The following FTCD variants were observed in gnomAD, a reference collection of about 807,000 sequenced individuals.
The protein encoded by FTCD is formimidoyltransferase cyclodeaminase.
Under a neutral mutation model 62.9 loss-of-function variants are expected in FTCD, and 76 were observed. The observed-to-expected ratio is 1.21, with a 90% CI of 1.00 to 1.46. The LOEUF is 1.46. FTCD is among the 40% of genes most tolerant of loss of function. FTCD has a pLI of 0.00. For synonymous variants in FTCD, 397 were observed against 336.9 expected (o/e 1.18, Z -1.95); for missense variants, 845 against 751.3 (o/e 1.12, Z -1.46).
intron 10 of FTCD, among the ~76,000 whole-genome samples, chr21:46,140,651 C>A (rs61584630): frequency 0.51 from 35,305 of 69,432 alleles, 6,128 homozygotes; most frequent in South Asian, 0.57. Flanking sequence ...AGTGTAAACC[C>A]ACCCAGCACT....
intron 7 of FTCD, among the ~76,000 whole-genome samples, chr21:46,148,055 A>C (rs1261311944): frequency 6.6e-6 from 1 of 152,228 alleles, no homozygotes; most frequent in East Asian, 1.9e-4. Context: ...CTTAGACAGA[A>C]AGGATGACGT....
At chr21:46,155,045 G>A (rs952894066) in intron 1 of FTCD, among the ~76,000 whole-genome samples, 8 of 152,234 alleles carry the variant, frequency 5.3e-5, no homozygotes, top group African/African-American at 1.9e-4. Flanking sequence ...TGCAGGGTGG[G>A]GGCTCAGCAA....
rs141647957 is a variant in FTCD, at chr21:46,138,171, G to A, written c.1443+337C>T. 2.6e-3 allele frequency among the ~76,000 whole-genome samples: 397 copies of A among 152,276 alleles called. 3 individuals are homozygous for A. Among genetic ancestry groups the A allele is most frequent in the African/African-American group, 8.9e-3 (368 of 41,560 alleles). ...CTCCCAAAGTGCTGGGACCACAGGC[G>A]AGAACCATTGTGCCTGGGCTGACAT... On this transcript the variant is annotated intron_variant, in intron 12 of 13. Transcript: ENST00000397746.
intron 7 of FTCD, among the ~76,000 whole-genome samples, chr21:46,149,485 G>A (rs2079217316): frequency 6.6e-6 from 1 of 152,206 alleles, no homozygotes; most frequent in African/African-American, 2.4e-5. Context: ...AAAAAATCCA[G>A]TTAAGTGGAT....
chr21:46,145,043 C>G (rs1483974547), intron 10 of FTCD, among the ~76,000 whole-genome samples: 4 of 152,022 alleles, frequency 2.6e-5, no homozygotes, highest in Admixed American at 2.0e-4. Context: ...TCCTGAGATT[C>G]TTGCAGGCCT....
chr21:46,146,419 G>GC, intron 7 of FTCD, 92 bp from the exon 8 acceptor site: 1 of 855,828 alleles, frequency 1.2e-6, no homozygotes. Flanking sequence ...TGCGGCAGCC[G>GC]CCCCCTGCCC....
intron 7 of FTCD, among the ~76,000 whole-genome samples, chr21:46,148,653 C>T (rs2079202432): frequency 1.3e-5 from 2 of 152,166 alleles, no homozygotes; most frequent in African/African-American, 4.8e-5. Flanking sequence ...AATAAAAATG[C>T]ACAACTACAT....
In FTCD at chr21:46,145,836, C is replaced by G. The variant is rs1212407287; in HGVS notation, c.1080G>C (p.Ala360=). ...RSAAPGGGSV[A]AAAAAMGAAL... Reference sequence around the variant, plus strand: ...CGCTCACCATGGCCGCAGCGGCCGCCGCCACCGAGCCGCCCCCGGGGGCCG... The same window carrying G: ...CGCTCACCATGGCCGCAGCGGCCGCGGCCACCGAGCCGCCCCCGGGGGCCG... The change falls in exon 9 of 14, where the codon GCG becomes GCC. Residue 360 remains alanine, a synonymous_variant. Transcript: ENST00000397746. 1.6e-6 allele frequency: 2 copies of G among 1,272,936 alleles called. No homozygotes were observed. Among genetic ancestry groups the G allele is most frequent in the Non-Finnish European group, 1.0e-6 (1 of 989,988 alleles). 78.9% of individuals were successfully genotyped at this position (1,272,936 alleles called of 1,614,324 possible).
intron 8 of FTCD, 94 bp from the exon 9 acceptor site, chr21:46,146,041 C>T: frequency 4.9e-6 from 4 of 809,150 alleles, no homozygotes; most frequent in South Asian, 1.8e-5. Context: ...CCCGTCTGCA[C>T]CCACGGGGAG....
chr21:46,147,289 G>A (rs200365625), intron 7 of FTCD, among the ~76,000 whole-genome samples: 6 of 147,824 alleles, frequency 4.1e-5, no homozygotes. Flanking sequence ...GGTGAAGCAG[G>A]AAAAAAAAAA....
chr21:46,138,986 G>A (rs2123484176), intron 10 of FTCD, 63 bp from the exon 11 acceptor site: 2 of 1,250,816 alleles, frequency 1.6e-6, no homozygotes, highest in African/African-American at 1.5e-5. Flanking sequence ...TGCCCTCTGA[G>A]CTCCCACAAG....
intron 10 of FTCD, chr21:46,139,185 T>A (rs2078940252): frequency 1.8e-6 from 1 of 554,762 alleles, no homozygotes; most frequent in Non-Finnish European, 3.2e-6. Context: ...GGGCCCTTAT[T>A]CTCAGCTAAA....
In FTCD at chr21:46,151,676, GC is replaced by G. The variant is rs753817415; in HGVS notation, c.517del (p.Ala173ProfsTer44). On this transcript the variant is annotated frameshift_variant, in exon 5 of 14. Coordinates refer to ENST00000397746, the MANE Select transcript of FTCD (RefSeq NM_206965.2). LOFTEE classifies it high-confidence loss of function. ...GPSSFVPSWGATATGARKFLI... is the reference protein window; with the variant it reads ...GPSSFVPSWGXTATGARKFLI... ...GAACTTCCTCGCCCCCGTGGCCGTGGCCCCCCAACTGGGGACAAAGGAGCTG... is the reference window on the plus strand; with the variant it reads ...GAACTTCCTCGCCCCCGTGGCCGTGGCCCCCAACTGGGGACAAAGGAGCTG... 6.2e-7 allele frequency: 1 copy of G among 1,612,978 alleles called. No homozygotes were observed. The highest frequency in any genetic ancestry group is 8.5e-7 in the Non-Finnish European group (1 of 1,179,922).
At chr21:46,154,940 C>T (rs934495816) in intron 1 of FTCD, among the ~76,000 whole-genome samples, 2 of 152,264 alleles carry the variant, frequency 1.3e-5, no homozygotes, top group African/African-American at 2.4e-5. Context: ...CCGGAGGAGC[C>T]TGGACCTCAG....
chr21:46,138,473 C>G (rs776601046), intron 12 of FTCD, 35 bp downstream of exon 12: 2 of 1,558,914 alleles, frequency 1.3e-6, no homozygotes, highest in African/African-American at 1.3e-5. Context: ...TCCTGCTTTG[C>G]GGCAGGAGGC....
At chr21:46,150,092 C>A in intron 7 of FTCD, 27 bp downstream of exon 7, 1 of 1,606,222 alleles carries the variant, frequency 6.2e-7, no homozygotes, top group Non-Finnish European at 8.5e-7. Flanking sequence ...CGCCCCTGTC[C>A]GACCCTTCCT....
intron 1 of FTCD, among the ~76,000 whole-genome samples, chr21:46,154,865 C>A (rs1226500640): frequency 1.3e-5 from 2 of 152,238 alleles, no homozygotes; most frequent in Non-Finnish European, 2.9e-5. Flanking sequence ...CTGCGGGTGA[C>A]CCCTGTGGCC....
chr21:46,151,973 C>G lies in FTCD; in HGVS notation c.375G>C (p.Leu125=), dbSNP rs1195839750. The G allele has an allele frequency of 1.9e-6, 3 of 1,565,936 alleles. 1 individual carries two copies. In the South Asian group the frequency reaches 3.5e-5, roughly 18 times the overall value. The stretch of plus-strand genomic sequence containing the variant: ...TGTCCATCCTGGCTGCCTCGCCGTA[C>G]AGGTAAACTGCAGGAGAGCCCGGCG... ...LAEELDVPVY[L]YGEAARMDSR... The change falls in exon 4 of 14, where the codon CTG becomes CTC. Residue 125 remains leucine (L), a synonymous_variant. Coordinates refer to ENST00000397746, the MANE Select transcript of FTCD (RefSeq NM_206965.2).
chr21:46,143,244 C>T (rs1039810476), intron 10 of FTCD, among the ~76,000 whole-genome samples: 2 of 152,008 alleles, frequency 1.3e-5, no homozygotes, highest in Non-Finnish European at 2.9e-5. Flanking sequence ...AACACAGGCG[C>T]CCCCACCGCC....
Sources: gnomAD v4.1 joint callset for allele counts (sites outside exome capture counted in the v4.1 genomes callset) on GRCh38, gnomAD v4.1.1 for gene constraint, MANE v1.5 for transcripts, NCBI Gene and HGNC (gene_info 2026-07-23, HGNC 2026-07-21) for gene names.